Variants in COLEC11 observed in about 807,000 individuals in gnomAD.
COLEC11 encodes the protein collectin subfamily member 11, also known as collectin-11.
COLEC11 carries 20 observed loss-of-function variants against 27.3 expected under a neutral mutation model. That is an observed-to-expected ratio of 0.73 (90% confidence interval 0.51 to 1.06). The LOEUF (loss-of-function observed/expected upper bound fraction) is 1.06, where lower values mean the gene tolerates loss of function less well. Ranked by LOEUF, COLEC11 falls within the 50% of genes least tolerant of loss-of-function variation. The pLI, the probability that COLEC11 is intolerant of heterozygous loss-of-function variation, is 0.00. For synonymous variants in COLEC11, 163 were observed against 154.7 expected (o/e 1.05, Z -0.40); for missense variants, 310 against 383.0 (o/e 0.81, Z 1.59).
chr2:3,616,086 G>A (rs1457937144), intron 3 of COLEC11, among the ~76,000 whole-genome samples: 1 of 151,412 alleles, frequency 6.6e-6, no homozygotes, highest in Non-Finnish European at 1.5e-5. Flanking sequence ...AGACGGGGTG[G>A]CGGTCGGGCA....
Position 3,644,079 on chromosome 2 carries a change from C to G in COLEC11, c.777C>G (p.Thr259=). 1 of 1,613,490 alleles carries G rather than the reference C, an allele frequency of 6.2e-7. No individual in the cohort carries two copies. Among genetic ancestry groups the G allele is most frequent in the South Asian group, 1.1e-5 (1 of 91,090 alleles). Residue 259 remains threonine (T), a synonymous_variant, in exon 7 of 7, where the codon ACC becomes ACG. Coordinates refer to ENST00000349077, the MANE Select transcript of COLEC11 (RefSeq NM_024027.5). ...GGWNDVACHT[T]MYFMCEFDKE... is the part of the protein sequence containing the mutation. ...GGAACGACGTGGCCTGCCACACCAC[C>G]ATGTACTTCATGTGTGAGTTTGACA...
chr2:3,606,156 C>G (rs1215590267), intron 2 of COLEC11: 2 of 1,550,424 alleles, frequency 1.3e-6, no homozygotes, highest in African/African-American at 2.7e-5. Flanking sequence ...CTGTGGAGAG[C>G]TGGACTTTTG....
At chr2:3,617,033 A>C (rs1042617491) in intron 3 of COLEC11, among the ~76,000 whole-genome samples, 1 of 152,204 alleles carries the variant, frequency 6.6e-6, no homozygotes, top group Non-Finnish European at 1.5e-5. Flanking sequence ...AGTCAGCATG[A>C]AACTGTAGGG....
At chr2:3,607,931 C>T (rs1662861419) in intron 2 of COLEC11, among the ~76,000 whole-genome samples, 1 of 152,254 alleles carries the variant, frequency 6.6e-6, no homozygotes, top group African/African-American at 2.4e-5. Flanking sequence ...TTTCTCCTCT[C>T]TGACTTCCCA....
chr2:3,602,961 A>AT lies in COLEC11; in HGVS notation c.-26-1353dup, dbSNP rs1176374233. Among the ~76,000 whole-genome samples, 19 of 152,254 alleles carry AT rather than the reference A, an allele frequency of 1.2e-4. No homozygotes were observed. The highest frequency in any genetic ancestry group is 4.3e-4 in the African/African-American group (18 of 41,478). On this transcript the variant is annotated intron_variant, in intron 1 of 6. Coordinates refer to ENST00000349077, the MANE Select transcript of COLEC11 (RefSeq NM_024027.5). The surrounding 1 kb of genome is among the most constrained non-coding windows in gnomAD (Gnocchi z 6.2). ...TGTCTGTCTGTCTCTTCCAATAGGA[A>AT]TAAAAACATAAATGTTCTTGCTCTA...
intron 3 of COLEC11, chr2:3,626,162 C>A: frequency 8.1e-7 from 1 of 1,242,232 alleles, no homozygotes; most frequent in Non-Finnish European, 1.2e-6. Flanking sequence ...GGCAACCACT[C>A]TTCCCATGGC....
chr2:3,626,824 C>T (rs983933118), intron 3 of COLEC11, among the ~76,000 whole-genome samples: 1 of 152,206 alleles, frequency 6.6e-6, no homozygotes. Flanking sequence ...GATGAATCTC[C>T]TCCCTGAGAC....
At chr2:3,641,240 C>A in intron 5 of COLEC11, 1 of 1,304,318 alleles carries the variant, frequency 7.7e-7, no homozygotes, top group Non-Finnish European at 1.0e-6. Flanking sequence ...GTTTTAAAAG[C>A]TCCTTCGGCA....
chr2:3,612,982 T>C (rs1375810307), intron 2 of COLEC11, among the ~76,000 whole-genome samples: 1 of 145,654 alleles, frequency 6.9e-6, no homozygotes, highest in Non-Finnish European at 1.5e-5. Flanking sequence ...TTCTCATTGG[T>C]GTTAGGGTTG....
chr2:3,641,744 G>A (rs953954905), intron 5 of COLEC11, among the ~76,000 whole-genome samples: 1 of 152,228 alleles, frequency 6.6e-6, no homozygotes, highest in Non-Finnish European at 1.5e-5. Flanking sequence ...GTATGAGGGC[G>A]AGGAAGGTGG....
At chr2:3,636,033 T>G (rs1049016978) in intron 3 of COLEC11, among the ~76,000 whole-genome samples, 1 of 152,236 alleles carries the variant, frequency 6.6e-6, no homozygotes, top group Non-Finnish European at 1.5e-5. Context: ...CTGTCTATTC[T>G]GAATTGGGGG....
chr2:3,597,869 G>C (rs527909951), intron 1 of COLEC11, among the ~76,000 whole-genome samples: 1 of 152,260 alleles, frequency 6.6e-6, no homozygotes, highest in East Asian at 1.9e-4. Context: ...CAGCACGTCT[G>C]GCTACAAACC....
intron 1 of COLEC11, chr2:3,603,987 C>A (rs1388081802): frequency 2.1e-5 from 12 of 567,660 alleles, no homozygotes; most frequent in African/African-American, 3.7e-5. Context: ...TGTGTGGAGA[C>A]CCCTACTCCA....
chr2:3,638,533 G>T (rs964621349), intron 4 of COLEC11, among the ~76,000 whole-genome samples: 1 of 152,182 alleles, frequency 6.6e-6, no homozygotes, highest in Non-Finnish European at 1.5e-5. Flanking sequence ...GTTGGCCCAG[G>T]TACCAAGAGG....
In COLEC11 at chr2:3,595,173, G is replaced by A. The variant is rs1235999545; in HGVS notation, c.-27+5G>A. On this transcript the variant is annotated splice_donor_5th_base_variant and intron_variant, in intron 1 of 6. Coordinates refer to ENST00000349077, the MANE Select transcript of COLEC11 (RefSeq NM_024027.5). ...GTTCGCCTAGCGCGTGCTCAGGTAGGAGACTCTGCCCGGGGCTGCAGCTGA... is the reference window on the plus strand; with the variant it reads ...GTTCGCCTAGCGCGTGCTCAGGTAGAAGACTCTGCCCGGGGCTGCAGCTGA... 3.0e-6 allele frequency: 1 copy of A among 329,824 alleles called. No individual in the cohort carries two copies. The highest frequency in any genetic ancestry group is 6.1e-6 in the Non-Finnish European group (1 of 164,408). 20.4% of individuals were successfully genotyped at this position (329,824 alleles called of 1,614,324 possible). A position where few individuals can be genotyped will look rare whatever the true frequency, so the allele number is the denominator to read the frequency against.
chr2:3,643,970 G>A lies in COLEC11; in HGVS notation c.668G>A (p.Arg223Gln), dbSNP rs1254668824. ...GTGTACTCTGACCACTCCCCCATGCGGACCTTCAACAAGTGGCGCAGCGGT... is the reference window on the plus strand; with the variant it reads ...GTGTACTCTGACCACTCCCCCATGCAGACCTTCAACAAGTGGCGCAGCGGT... The part of the protein sequence containing the change: ...AFVYSDHSPM[R>Q]TFNKWRSGEP... Residue 223 changes from arginine to glutamine, a missense_variant, in exon 7 of 7, where the codon CGG becomes CAG. Transcript: ENST00000349077. 4.3e-6 allele frequency: 7 copies of A among 1,614,180 alleles called. No homozygotes were observed. In the East Asian group the frequency reaches 8.9e-5, roughly 21 times the overall value.
intron 3 of COLEC11, among the ~76,000 whole-genome samples, chr2:3,624,084 T>G (rs1664361498): frequency 6.6e-6 from 1 of 152,206 alleles, no homozygotes; most frequent in African/African-American, 2.4e-5. Context: ...TTAAAGAGTA[T>G]ATGCCTTTTC....
chr2:3,630,220 G>A (rs1356794524), intron 3 of COLEC11, among the ~76,000 whole-genome samples: 1 of 152,180 alleles, frequency 6.6e-6, no homozygotes, highest in Non-Finnish European at 1.5e-5. Context: ...GCATATGTAT[G>A]TGTATGCATA....
chr2:3,606,424 G>A (rs1011153561), intron 2 of COLEC11, among the ~76,000 whole-genome samples: 12 of 152,170 alleles, frequency 7.9e-5, no homozygotes, highest in African/African-American at 2.7e-4. Flanking sequence ...TGGGAAGTAG[G>A]GCAGGTCTGA....
Sources: allele counts gnomAD v4.1 joint callset (sites outside exome capture counted in the v4.1 genomes callset), GRCh38; gene constraint gnomAD v4.1.1; non-coding constraint Gnocchi (gnomAD v3.1); transcripts MANE v1.5; gene names NCBI Gene and HGNC (gene_info 2026-07-23, HGNC 2026-07-21).